MAPK9: variants seen among roughly 807,000 people sequenced by gnomAD.
MAPK9 encodes the protein Jun kinase.
Under a neutral mutation model 57.1 loss-of-function variants are expected in MAPK9, and 30 were observed. That is an observed-to-expected ratio of 0.53 (90% CI 0.39 to 0.71). The LOEUF is 0.71. Ranked by LOEUF, MAPK9 falls within the 30% of genes least tolerant of loss-of-function variation. The pLI is 0.00. For synonymous variants in MAPK9, 155 were observed against 177.0 expected (o/e 0.88, Z 0.99); for missense variants, 362 against 521.0 (o/e 0.69, Z 2.97).
chr5:180,276,673 G>A (rs2127616529), intron 2 of MAPK9, among the ~76,000 whole-genome samples: 1 of 152,252 alleles, frequency 6.6e-6, no homozygotes, highest in South Asian at 2.1e-4. Context: ...GGCCAACATG[G>A]TGAAACCCCA....
At chr5:180,269,957 G>A (rs929598176) in intron 2 of MAPK9, among the ~76,000 whole-genome samples, 2 of 152,138 alleles carry the variant, frequency 1.3e-5, no homozygotes, top group African/African-American at 4.8e-5. Flanking sequence ...TCTAACGTAA[G>A]CAACTGCTAT....
intron 5 of MAPK9, 49 bp from the exon 6 acceptor site, chr5:180,249,187 T>A (rs748190786): frequency 6.2e-5 from 96 of 1,544,154 alleles, no homozygotes; most frequent in Non-Finnish European, 8.5e-5. Context: ...GCATGCTAAA[T>A]AAACTACTTC....
intron 2 of MAPK9, among the ~76,000 whole-genome samples, chr5:180,274,724 C>A (rs1293136415): frequency 6.6e-6 from 1 of 152,188 alleles, no homozygotes; most frequent in Non-Finnish European, 1.5e-5. Context: ...CAAACCCACC[C>A]AGGTTTCTGA....
intron 1 of MAPK9, 86 bp from the exon 2 acceptor site, chr5:180,280,694 T>G: frequency 1.9e-6 from 2 of 1,038,370 alleles, no homozygotes; most frequent in Non-Finnish European, 2.6e-6. Flanking sequence ...TATTGGTATG[T>G]AAGACAATGT....
chr5:180,290,059 G>A (rs888010659), intron 1 of MAPK9, among the ~76,000 whole-genome samples: 3 of 152,028 alleles, frequency 2.0e-5, no homozygotes, highest in Non-Finnish European at 4.4e-5. Context: ...ATCTCGCTAC[G>A]TTGCCCAGGC....
At chr5:180,268,602 C>T (rs1354994339) in intron 3 of MAPK9, among the ~76,000 whole-genome samples, 41 of 149,670 alleles carry the variant, frequency 2.7e-4, no homozygotes, top group Non-Finnish European at 4.9e-4. Flanking sequence ...CTGAGGCTGG[C>T]GGACCATGAG....
At chr5:180,279,624 G>A (rs908559554) in intron 2 of MAPK9, among the ~76,000 whole-genome samples, 4 of 151,948 alleles carry the variant, frequency 2.6e-5, no homozygotes, top group African/African-American at 4.8e-5. Context: ...CTGTAAACAC[G>A]CGATGTTTAA....
chr5:180,265,466 G>A (rs970638851), intron 3 of MAPK9, among the ~76,000 whole-genome samples: 45 of 152,322 alleles, frequency 3.0e-4, no homozygotes, highest in East Asian at 1.9e-3. Flanking sequence ...TGAGTTCTCA[G>A]GAGACCTGAT....
At chr5:180,273,184 CTG>C (rs201737457) in intron 2 of MAPK9, among the ~76,000 whole-genome samples, 1 of 151,670 alleles carries the variant, frequency 6.6e-6, no homozygotes, top group East Asian at 1.9e-4. Flanking sequence ...GGGTATCCTC[CTG>C]TGACAACCTA....
chr5:180,247,244 CAAGTT>C lies in MAPK9; in HGVS notation c.688+190_688+194del. On this transcript the variant is annotated intron_variant, in intron 7 of 11. Coordinates refer to ENST00000452135, the MANE Select transcript of MAPK9 (RefSeq NM_002752.5). This position sits in a 1 kb window ranked among gnomAD's most constrained non-coding sequence, Gnocchi z 4.5. ...AAGTCTCAAAGTCATCACAGGTAGT[CAAGTT>C]AAAAATAAAGAATGAAATTGAACCA... is the stretch of plus-strand genomic sequence containing the variant. The C allele has an allele frequency of 1.6e-6, 1 of 614,022 alleles. No homozygotes were observed. Among genetic ancestry groups the C allele is most frequent in the East Asian group, 2.8e-5 (1 of 35,714 alleles). The allele number at this position is 614,022 out of a possible 1,614,324, so 38.0% of individuals were successfully genotyped here.
At chr5:180,274,955 T>A (rs1239276476) in intron 2 of MAPK9, among the ~76,000 whole-genome samples, 4 of 152,196 alleles carry the variant, frequency 2.6e-5, no homozygotes, top group Non-Finnish European at 5.9e-5. Context: ...ATTAAATTCA[T>A]AATTCAATTA....
At position 180,247,345 on chromosome 5, in the gene MAPK9, G is replaced by A. The variant is rs760365317; in HGVS notation, c.688+94C>T. On this transcript the variant is annotated intron_variant, in intron 7 of 11. Transcript: ENST00000452135. This position sits in a 1 kb window ranked among gnomAD's most constrained non-coding sequence, Gnocchi z 4.5. ...GAACACAGTCTGGAGTGGATTTTAC[G>A]ACTTTGTCCTCGTGAGCGCTCGTGT... 1.4e-5 allele frequency: 20 copies of A among 1,453,446 alleles called. No individual in the cohort carries two copies. The highest frequency in any genetic ancestry group is 1.5e-5 in the Non-Finnish European group (16 of 1,036,664). The allele number at this position is 1,453,446 out of a possible 1,614,324, so 90.0% of individuals were successfully genotyped here.
At chr5:180,261,422 A>G (rs1180086673) in intron 5 of MAPK9, among the ~76,000 whole-genome samples, 2 of 152,268 alleles carry the variant, frequency 1.3e-5, no homozygotes, top group East Asian at 3.8e-4. Context: ...CTTTAAAATG[A>G]AAAGTTTAAA....
intron 2 of MAPK9, among the ~76,000 whole-genome samples, chr5:180,275,403 AG>A (rs1408058767): frequency 2.0e-5 from 3 of 152,170 alleles, no homozygotes; most frequent in Non-Finnish European, 2.9e-5. Context: ...CTTTACTTCT[AG>A]GAAGCAGCCT....
intron 2 of MAPK9, among the ~76,000 whole-genome samples, chr5:180,275,088 G>C (rs1479576447): frequency 1.3e-5 from 2 of 151,986 alleles, no homozygotes; most frequent in Non-Finnish European, 2.9e-5. Flanking sequence ...TTAAAAATGT[G>C]GATCTAATAA....
chr5:180,238,080 G>A, intron 11 of MAPK9: 1 of 281,672 alleles, frequency 3.6e-6, no homozygotes, highest in South Asian at 3.9e-5. Context: ...GACCAGCTTG[G>A]CCAATATGGT....
chr5:180,253,961 C>CCT (rs1758988333), intron 5 of MAPK9, among the ~76,000 whole-genome samples: 2 of 77,786 alleles, frequency 2.6e-5, no homozygotes, highest in Admixed American at 1.7e-4. Context: ...ATGCTTCAAT[C>CCT]TCTTTTTTTT....
At position 180,254,429 on chromosome 5, in the gene MAPK9, T is replaced by C. The variant is rs550204592; in HGVS notation, c.451-5291A>G. 2.0e-5 allele frequency among the ~76,000 whole-genome samples: 3 copies of C among 152,306 alleles called. No individual in the cohort carries two copies. The South Asian group carries it at 6.2e-4, about 32-fold the overall frequency. ...AAGCTTATCCTCAGAGATGATAGTA[T>C]ATACATGCAACAAGAACAGAATGCT... On this transcript the variant is annotated intron_variant, in intron 5 of 11. Coordinates refer to ENST00000452135, the MANE Select transcript of MAPK9 (RefSeq NM_002752.5).
intron 1 of MAPK9, among the ~76,000 whole-genome samples, chr5:180,288,013 C>A (rs1259583808): frequency 6.6e-6 from 1 of 152,148 alleles, no homozygotes; most frequent in Non-Finnish European, 1.5e-5. Flanking sequence ...AGTGGGTCTG[C>A]TATTTATCTG....
Sources: allele counts gnomAD v4.1 joint callset (sites outside exome capture counted in the v4.1 genomes callset), GRCh38; gene constraint gnomAD v4.1.1; non-coding constraint Gnocchi (gnomAD v3.1); transcripts MANE v1.5; gene names NCBI Gene and HGNC (gene_info 2026-07-23, HGNC 2026-07-21).